The following VPS13A variants were observed in gnomAD, a reference collection of about 807,000 sequenced individuals.
The protein encoded by VPS13A is intermembrane lipid transfer protein VPS13A.
A neutral mutation model predicts 390.9 loss-of-function variants in VPS13A; 264 were observed. The ratio of observed to expected loss-of-function variants is 0.68; its 90% confidence interval spans 0.61 to 0.75. The LOEUF is 0.75. VPS13A is among the 30% of genes least tolerant of loss of function. The pLI is 0.00. For missense variants in VPS13A, 3,409 were observed against 3,733.9 expected (o/e 0.91, Z 2.27); for synonymous variants, 1,231 against 1,227.1 (o/e 1.00, Z -0.07).
At position 77,303,007 on chromosome 9, in the gene VPS13A, A is replaced by T; in HGVS notation, c.3905A>T (p.Glu1302Val). Residue 1302 changes from glutamate to valine, a missense_variant, in exon 34 of 72, where the codon GAG becomes GTG. Transcript: ENST00000360280. Reference sequence around the variant, plus strand: ...GTGGTTGAACGAAATTTATGCTGGGAGTGGTACCAGGAAGTTCCTTGTTTT... The same window carrying T: ...GTGGTTGAACGAAATTTATGCTGGGTGTGGTACCAGGAAGTTCCTTGTTTT... ...EVVVERNLCW[E>V]WYQEVPCFNV... The T allele has an allele frequency of 6.2e-7, 1 of 1,614,064 alleles. No homozygotes were observed. The highest frequency in any genetic ancestry group is 1.1e-5 in the South Asian group (1 of 91,088).
rs193178632 is a variant in VPS13A, at chr9:77,362,348, T to C, written c.8211+1707T>C. The stretch of plus-strand genomic sequence containing the variant: ...TATGATGTATAAGGATCCAAATTAT[T>C]CTTTGGCATGTTGCTATCCAGTTGT... On this transcript the variant is annotated intron_variant, in intron 59 of 71. Transcript: ENST00000360280. Among the ~76,000 whole-genome samples, 277 of 152,318 alleles carry C rather than the reference T, an allele frequency of 1.8e-3. 1 individual carries two copies. The highest frequency in any genetic ancestry group is 6.3e-3 in the African/African-American group (262 of 41,580).
chr9:77,191,908 G>A (rs1824709597), intron 1 of VPS13A, among the ~76,000 whole-genome samples: 3 of 152,038 alleles, frequency 2.0e-5, no homozygotes, highest in South Asian at 4.1e-4. Flanking sequence ...ATTTGGTGAA[G>A]TGTTGACTTT....
At chr9:77,410,159 G>T (rs1230400732) in intron 71 of VPS13A, among the ~76,000 whole-genome samples, 2 of 152,130 alleles carry the variant, frequency 1.3e-5, no homozygotes, top group Admixed American at 6.5e-5. Flanking sequence ...TTAAAGAAAA[G>T]AATTTTCAAC....
In VPS13A at chr9:77,370,432, G is replaced by C. The variant is rs763565314; in HGVS notation, c.8761G>C (p.Ala2921Pro). 6.2e-7 allele frequency: 1 copy of C among 1,614,138 alleles called. No homozygotes were observed. The highest frequency in any genetic ancestry group is 1.1e-5 in the South Asian group (1 of 91,076). ...GGAVGGLAGAASKITGAMAKG... is the reference protein window; with the variant it reads ...GGAVGGLAGAPSKITGAMAKG... ...TCTGTCAGGTGGATTGGCTGGTGCT[G>C]CCTCCAAAATCACCGGTGCTATGGC... The change falls in exon 65 of 72, where the codon GCC becomes CCC. Residue 2921 changes from alanine (A) to proline (P), a missense_variant. Ala to Pro is a conservative substitution (Grantham distance 27, BLOSUM62 -1). Transcript: ENST00000360280.
intron 17 of VPS13A, among the ~76,000 whole-genome samples, chr9:77,233,393 G>T (rs1460014998): frequency 6.6e-6 from 1 of 151,120 alleles, no homozygotes; most frequent in Non-Finnish European, 1.5e-5. Context: ...TTTGTTTTCT[G>T]TATTTCATTT....
At chr9:77,203,388 A>G (rs1589991062) in intron 3 of VPS13A, among the ~76,000 whole-genome samples, 1 of 152,142 alleles carries the variant, frequency 6.6e-6, no homozygotes, top group African/African-American at 2.4e-5. Flanking sequence ...TTCCTGGCTC[A>G]AGTAACCCTC....
chr9:77,356,663 A>T, intron 54 of VPS13A, 51 bp from the exon 55 acceptor site: 1 of 1,537,640 alleles, frequency 6.5e-7, no homozygotes, highest in South Asian at 1.2e-5. Context: ...AGTTAAAATA[A>T]ATGTTAATAA....
intron 71 of VPS13A, among the ~76,000 whole-genome samples, chr9:77,412,273 C>T (rs992205393): frequency 6.6e-6 from 1 of 152,140 alleles, no homozygotes; most frequent in African/African-American, 2.4e-5. Context: ...ATACCAAAGC[C>T]TGGCAGAGAC....
At chr9:77,217,025 T>G (rs541919465) in intron 10 of VPS13A, among the ~76,000 whole-genome samples, 82 of 152,250 alleles carry the variant, frequency 5.4e-4, no homozygotes, top group South Asian at 4.8e-3. Context: ...AATGTTAATC[T>G]TCTTTGGCAA....
At chr9:77,310,082 G>A (rs771890610) in intron 35 of VPS13A, among the ~76,000 whole-genome samples, 3 of 152,090 alleles carry the variant, frequency 2.0e-5, no homozygotes, top group East Asian at 1.9e-4. Context: ...CCCAAAATGT[G>A]AAAAGAAAAT....
At chr9:77,198,188 G>C (rs1257434068) in intron 1 of VPS13A, among the ~76,000 whole-genome samples, 1 of 151,958 alleles carries the variant, frequency 6.6e-6, no homozygotes, top group African/African-American at 2.4e-5. Flanking sequence ...ATTAGAAGCA[G>C]TTGAGGGGCC....
At chr9:77,385,084 A>G (rs78198903) in intron 68 of VPS13A, 8 of 979,002 alleles carry the variant, frequency 8.2e-6, no homozygotes, top group Non-Finnish European at 9.7e-6. Flanking sequence ...GCCACTGTGT[A>G]AAAAAAAAGG....
Position 77,416,028 on chromosome 9 carries a change from A to C in VPS13A, c.*22A>C, listed in dbSNP as rs780017233. ...CTGACAGAGAACACTGCCTGAAGACACACAGCAATAAGTGATTACAGCTCC... is the reference window on the plus strand; with the variant it reads ...CTGACAGAGAACACTGCCTGAAGACCCACAGCAATAAGTGATTACAGCTCC... On this transcript the variant is annotated 3_prime_UTR_variant, in exon 72 of 72. Coordinates refer to ENST00000360280, the MANE Select transcript of VPS13A (RefSeq NM_033305.3). 2.5e-6 allele frequency: 4 copies of C among 1,612,992 alleles called. No individual in the cohort carries two copies. Among genetic ancestry groups the C allele is most frequent in the Non-Finnish European group, 3.4e-6 (4 of 1,179,122 alleles).
chr9:77,181,786 T>C (rs1824035271), intron 1 of VPS13A, among the ~76,000 whole-genome samples: 1 of 152,164 alleles, frequency 6.6e-6, no homozygotes, highest in Admixed American at 6.5e-5. Context: ...GGAAGCATTC[T>C]TATATATGAA....
chr9:77,344,192 C>G lies in VPS13A; in HGVS notation c.7066C>G (p.Leu2356Val). Reference sequence around the variant, plus strand: ...GCCTGAGTATGCTTCTAGTAAACTTCTTATTCAAGTCGAAAGGAGTGAAGA... The same window carrying G: ...GCCTGAGTATGCTTCTAGTAAACTTGTTATTCAAGTCGAAAGGAGTGAAGA... ...FWPEYASSKL[L>V]IQVERSEDPP... is the part of the protein sequence containing the mutation. The change falls in exon 51 of 72, where the codon CTT becomes GTT. Residue 2356 changes from leucine to valine, a missense_variant. This residue lies in a region of VPS13A where 2,717 missense variants were observed against 2,917.4 expected (regional missense o/e 0.93). Transcript: ENST00000360280. The G allele has an allele frequency of 6.2e-7, 1 of 1,611,746 alleles. No homozygotes were observed. The highest frequency in any genetic ancestry group is 8.5e-7 in the Non-Finnish European group (1 of 1,178,158).
rs1221660257 is a variant in VPS13A, at chr9:77,339,358, G to A, written c.6379-158G>A. ...TAAATACCGTGTAGAGGTTTACACA[G>A]TTGACAAAGTTAGAACTTGAATGTA... is the stretch of plus-strand genomic sequence containing the variant. On this transcript the variant is annotated intron_variant, in intron 47 of 71. Coordinates refer to ENST00000360280, the MANE Select transcript of VPS13A (RefSeq NM_033305.3). Among the ~76,000 whole-genome samples, 6 of 152,158 alleles carry A rather than the reference G, an allele frequency of 3.9e-5. No homozygotes were observed. The East Asian group carries it at 1.2e-3, about 29-fold the overall frequency.
At chr9:77,332,855 C>T (rs1830347275) in intron 46 of VPS13A, among the ~76,000 whole-genome samples, 1 of 152,256 alleles carries the variant, frequency 6.6e-6, no homozygotes, top group South Asian at 2.1e-4. Flanking sequence ...TACAGAAGGA[C>T]AGAGGCAAAA....
At chr9:77,355,194 T>G (rs562468980) in intron 54 of VPS13A, among the ~76,000 whole-genome samples, 1 of 152,344 alleles carries the variant, frequency 6.6e-6, no homozygotes, top group African/African-American at 2.4e-5. Flanking sequence ...CCATTTTCTC[T>G]TTAACCACTC....
At chr9:77,308,450 C>G (rs752149191) in intron 35 of VPS13A, among the ~76,000 whole-genome samples, 4 of 152,016 alleles carry the variant, frequency 2.6e-5, no homozygotes, top group Non-Finnish European at 5.9e-5. Flanking sequence ...CTCCCTTTCC[C>G]CCATCTTCTC....
Sources: allele counts gnomAD v4.1 joint callset (sites outside exome capture counted in the v4.1 genomes callset), GRCh38; gene constraint gnomAD v4.1.1; regional missense constraint gnomAD v4.1.1; transcripts MANE v1.5; gene names NCBI Gene and HGNC (gene_info 2026-07-23, HGNC 2026-07-21).